Variants in FAM20A observed in about 807,000 individuals in gnomAD.
FAM20A encodes pseudokinase FAM20A.
In FAM20A, 42 loss-of-function variants were observed where a neutral mutation model predicts 52.0. The ratio of observed to expected loss-of-function variants is 0.81; its 90% CI spans 0.63 to 1.04. FAM20A has a LOEUF of 1.04. Among genes scored for constraint, FAM20A ranks in the 50% least tolerant of loss-of-function variants. The probability of loss-of-function intolerance (pLI) is 0.00; values close to 1 mark genes in which losing one functional copy is unlikely to be tolerated. For missense variants in FAM20A, 742 were observed against 712.7 expected (o/e 1.04, Z -0.47); for synonymous variants, 304 against 298.9 (o/e 1.02, Z -0.18).
chr17:68,573,232 G>C (rs1021198769), intron 1 of FAM20A, among the ~76,000 whole-genome samples: 1 of 152,196 alleles, frequency 6.6e-6, no homozygotes, highest in Non-Finnish European at 1.5e-5. Flanking sequence ...GTGTGACCTA[G>C]GGCAAGTTAT....
intron 1 of FAM20A, among the ~76,000 whole-genome samples, chr17:68,588,550 C>T (rs1211089475): frequency 2.6e-5 from 4 of 152,246 alleles, no homozygotes; most frequent in Non-Finnish European, 5.9e-5. Flanking sequence ...AGTCCAAGTT[C>T]GTGGTGTCAG....
intron 1 of FAM20A, among the ~76,000 whole-genome samples, chr17:68,563,653 C>G (rs866114714): frequency 3.3e-5 from 5 of 152,110 alleles, no homozygotes; most frequent in African/African-American, 1.2e-4. Flanking sequence ...GCATCTTTCT[C>G]AATAACCTTC....
chr17:68,588,354 T>C (rs544083108), intron 1 of FAM20A, among the ~76,000 whole-genome samples: 1 of 152,294 alleles, frequency 6.6e-6, no homozygotes, highest in Admixed American at 6.5e-5. Context: ...AAAGAAAATT[T>C]CAGATATGGC....
intron 1 of FAM20A, among the ~76,000 whole-genome samples, chr17:68,594,230 T>G (rs1209207378): frequency 6.6e-6 from 1 of 152,104 alleles, no homozygotes. Flanking sequence ...AAACGCCGTC[T>G]CTACTAAAAA....
At position 68,550,653 on chromosome 17, in the gene FAM20A, T is replaced by G. The variant is rs145788273; in HGVS notation, c.719+1220A>C. The stretch of plus-strand genomic sequence containing the variant: ...GCCTTGGCCTACCAAAGTACTGGGA[T>G]TACAGGTGTGAGCCATCGTGCCCAG... On this transcript the variant is annotated intron_variant, in intron 4 of 10. Coordinates refer to ENST00000592554, the MANE Select transcript of FAM20A (RefSeq NM_017565.4). 3.3e-4 allele frequency among the ~76,000 whole-genome samples: 51 copies of G among 152,254 alleles called. No homozygotes were observed. In the East Asian group the frequency reaches 9.5e-3, roughly 28 times the overall value.
At chr17:68,572,001 TATATATA>T (rs558651332) in intron 1 of FAM20A, among the ~76,000 whole-genome samples, 6,699 of 88,568 alleles carry the variant, frequency 0.076, 417 homozygotes, top group South Asian at 0.11. Context: ...TATATATATA[TATATATA>T]TATATATATA....
At chr17:68,542,544 C>G in intron 6 of FAM20A, 150 bp downstream of exon 6, 1 of 716,704 alleles carries the variant, frequency 1.4e-6, no homozygotes. Context: ...GTCAGGCAGA[C>G]CATGGTGGGA....
chr17:68,550,892 CTT>C (rs2086805201), intron 4 of FAM20A, among the ~76,000 whole-genome samples: 2 of 152,204 alleles, frequency 1.3e-5, no homozygotes, highest in African/African-American at 2.4e-5. Flanking sequence ...GACTGAAACT[CTT>C]TATTCGGTGC....
At chr17:68,555,764 T>C (rs767517457) in intron 1 of FAM20A, 21 bp from the exon 2 acceptor site, 5 of 1,613,968 alleles carry the variant, frequency 3.1e-6, no homozygotes, top group Non-Finnish European at 4.2e-6. Context: ...CAGATAGTTG[T>C]TCATTAGAGG....
intron 1 of FAM20A, among the ~76,000 whole-genome samples, chr17:68,584,141 A>G (rs990731330): frequency 2.0e-5 from 3 of 151,380 alleles, no homozygotes; most frequent in African/African-American, 7.3e-5. Flanking sequence ...ACACGGTGAA[A>G]CCCTGCCTCT....
intron 1 of FAM20A, among the ~76,000 whole-genome samples, chr17:68,564,617 C>T (rs952969268): frequency 2.0e-5 from 3 of 152,158 alleles, no homozygotes; most frequent in Non-Finnish European, 4.4e-5. Flanking sequence ...TCTGTGGTCT[C>T]TTGGTGTGCA....
At chr17:68,561,674 C>T (rs936152436) in intron 1 of FAM20A, among the ~76,000 whole-genome samples, 20 of 149,710 alleles carry the variant, frequency 1.3e-4, no homozygotes, top group Admixed American at 1.2e-3. Flanking sequence ...ATTATATAAA[C>T]GCTTTCAAAA....
At chr17:68,552,059 G>A in intron 3 of FAM20A, 108 bp from the exon 4 acceptor site, 1 of 731,784 alleles carries the variant, frequency 1.4e-6, no homozygotes, top group Non-Finnish European at 2.5e-6. Flanking sequence ...CTTATGTAAT[G>A]AGACCCTAAA....
chr17:68,575,789 T>TACACACACACACACACACACAC (rs1491430631), intron 1 of FAM20A, among the ~76,000 whole-genome samples: 3 of 41,366 alleles, frequency 7.3e-5, no homozygotes, highest in East Asian at 6.9e-4. Context: ...TATTTTATAT[T>TACACACACACACACACACACAC]ATACACACAC....
chr17:68,599,609 G>A (rs529503499), intron 1 of FAM20A, among the ~76,000 whole-genome samples: 21 of 152,290 alleles, frequency 1.4e-4, no homozygotes, highest in African/African-American at 4.8e-4. Context: ...GTGCCTTCAA[G>A]TTCTAATACT....
intron 8 of FAM20A, 108 bp from the exon 9 acceptor site, chr17:68,540,074 G>A: frequency 2.3e-6 from 2 of 855,030 alleles, no homozygotes; most frequent in African/African-American, 2.2e-5. Flanking sequence ...TGAGAGACAG[G>A]GGTGTGAACG....
intron 1 of FAM20A, among the ~76,000 whole-genome samples, chr17:68,556,704 A>G (rs2087061057): frequency 6.6e-6 from 1 of 152,136 alleles, no homozygotes; most frequent in African/African-American, 2.4e-5. Flanking sequence ...GAATAAATGC[A>G]CTGTTGAATG....
intron 1 of FAM20A, among the ~76,000 whole-genome samples, chr17:68,581,422 C>CTTTTT (rs201460221): frequency 1.5e-5 from 1 of 65,084 alleles, no homozygotes; most frequent in Non-Finnish European, 3.1e-5. Flanking sequence ...TTCTTTTTCT[C>CTTTTT]TTTTCTTTCT....
At chr17:68,540,468 G>A in intron 8 of FAM20A, 1 of 469,844 alleles carries the variant, frequency 2.1e-6, no homozygotes, top group Non-Finnish European at 4.2e-6. Flanking sequence ...CTGGAAGGTG[G>A]AATTACTAGT....
Sources: gnomAD v4.1 joint callset for allele counts (sites outside exome capture counted in the v4.1 genomes callset) on GRCh38, gnomAD v4.1.1 for gene constraint, MANE v1.5 for transcripts, NCBI Gene and HGNC (gene_info 2026-07-23, HGNC 2026-07-21) for gene names.